Variants in KSR2 observed in about 807,000 individuals in gnomAD.
KSR2 encodes the protein kinase suppressor of ras 2.
KSR2 carries 25 observed loss-of-function variants against 107.8 expected under a neutral mutation model. The observed-to-expected ratio is 0.23, with a 90% CI of 0.17 to 0.32. The LOEUF (loss-of-function observed/expected upper bound fraction) is 0.32, where lower values mean the gene tolerates loss of function less well. Ranked by LOEUF, KSR2 falls within the 10% of genes least tolerant of loss-of-function variation. KSR2 has a pLI of 1.00. For missense variants in KSR2, 887 were observed against 1,268.9 expected (o/e 0.70, Z 4.57); for synonymous variants, 480 against 507.0 (o/e 0.95, Z 0.71).
intron 14 of KSR2, among the ~76,000 whole-genome samples, chr12:117,493,422 A>G (rs952932283): frequency 2.6e-5 from 4 of 151,936 alleles, no homozygotes; most frequent in Non-Finnish European, 5.9e-5. Context: ...CTCTTCTCAT[A>G]TGACTCTCCC....
chr12:117,935,894 C>T (rs914403564), intron 1 of KSR2, among the ~76,000 whole-genome samples: 1 of 152,210 alleles, frequency 6.6e-6, no homozygotes, highest in Non-Finnish European at 1.5e-5. Context: ...GCTTTTCCCC[C>T]CAGAGGTCCC....
intron 3 of KSR2, among the ~76,000 whole-genome samples, chr12:117,853,086 A>C (rs2137215073): frequency 1.3e-5 from 2 of 152,276 alleles, no homozygotes; most frequent in Middle Eastern, 3.4e-3. Flanking sequence ...TATAGGTGTG[A>C]GCCACCACGT....
At chr12:117,703,220 C>T (rs888704201) in intron 4 of KSR2, among the ~76,000 whole-genome samples, 1 of 152,200 alleles carries the variant, frequency 6.6e-6, no homozygotes, top group Non-Finnish European at 1.5e-5. Context: ...CAAATTATTT[C>T]ACCTCTTTTA....
At chr12:117,633,539 G>T (rs891237921) in intron 5 of KSR2, among the ~76,000 whole-genome samples, 3 of 152,306 alleles carry the variant, frequency 2.0e-5, no homozygotes, top group Middle Eastern at 3.4e-3. Context: ...GACAGGATTG[G>T]TTCTTTGTAG....
intron 5 of KSR2, among the ~76,000 whole-genome samples, chr12:117,600,376 A>T (rs1159863969): frequency 6.6e-6 from 1 of 152,238 alleles, no homozygotes; most frequent in Admixed American, 6.5e-5. Flanking sequence ...AGAGGCAATC[A>T]GACGTGTTTT....
chr12:117,486,237 G>A (rs568529686), intron 14 of KSR2, among the ~76,000 whole-genome samples: 57 of 152,342 alleles, frequency 3.7e-4, no homozygotes, highest in Non-Finnish European at 7.5e-4. Context: ...TCTAGATAAA[G>A]AGTTTTTCAA....
chr12:117,739,931 A>T (rs568848286), intron 4 of KSR2, among the ~76,000 whole-genome samples: 55 of 149,252 alleles, frequency 3.7e-4, no homozygotes, highest in South Asian at 2.2e-3. Flanking sequence ...ATTTTTTTTT[A>T]AATTTCTTAT....
At chr12:117,744,288 T>C (rs893249769) in intron 4 of KSR2, among the ~76,000 whole-genome samples, 3 of 152,168 alleles carry the variant, frequency 2.0e-5, no homozygotes, top group African/African-American at 7.2e-5. Context: ...CTAAAATACA[T>C]GGAGTAACAG....
intron 9 of KSR2, among the ~76,000 whole-genome samples, chr12:117,551,241 T>C (rs1877286578): frequency 6.6e-6 from 1 of 152,024 alleles, no homozygotes; most frequent in Non-Finnish European, 1.5e-5. Context: ...CTTCCTCTTC[T>C]TCCTCCTTCT....
At chr12:117,519,591 G>A (rs1874608056) in intron 14 of KSR2, among the ~76,000 whole-genome samples, 2 of 152,086 alleles carry the variant, frequency 1.3e-5, no homozygotes, top group Non-Finnish European at 2.9e-5. Context: ...CTTCTGTGAG[G>A]GACTGTACGT....
chr12:117,722,773 G>A (rs1203442866), intron 4 of KSR2, among the ~76,000 whole-genome samples: 1 of 152,124 alleles, frequency 6.6e-6, no homozygotes, highest in Non-Finnish European at 1.5e-5. Flanking sequence ...TTACTGTATG[G>A]ATTCACCCTG....
At chr12:117,739,225 G>C (rs570650170) in intron 4 of KSR2, among the ~76,000 whole-genome samples, 26 of 151,734 alleles carry the variant, frequency 1.7e-4, no homozygotes, top group Non-Finnish European at 3.2e-4. Flanking sequence ...CGTGGTAGCG[G>C]GCGCCTGTAG....
chr12:117,565,179 C>T (rs1878392445), intron 7 of KSR2, among the ~76,000 whole-genome samples: 2 of 152,310 alleles, frequency 1.3e-5, no homozygotes, highest in African/African-American at 4.8e-5. Context: ...AGGCAAGACC[C>T]CTCCTAGGGA....
At chr12:117,773,442 G>A (rs1035851708) in intron 3 of KSR2, among the ~76,000 whole-genome samples, 2 of 152,202 alleles carry the variant, frequency 1.3e-5, no homozygotes, top group Admixed American at 6.5e-5. Context: ...CTAAGCAAGT[G>A]TCTAACTTCT....
At chr12:117,818,186 CA>C (rs1891441059) in intron 3 of KSR2, among the ~76,000 whole-genome samples, 1 of 152,114 alleles carries the variant, frequency 6.6e-6, no homozygotes, top group Non-Finnish European at 1.5e-5. Flanking sequence ...GATCAATGGG[CA>C]ATCTCTGGGG....
intron 1 of KSR2, among the ~76,000 whole-genome samples, chr12:117,910,225 T>C (rs1481201493): frequency 6.6e-6 from 1 of 152,116 alleles, no homozygotes; most frequent in Non-Finnish European, 1.5e-5. Flanking sequence ...AGTAAGACCC[T>C]GTCTCAAAGA....
At chr12:117,767,163 C>T (rs1889263335) in intron 3 of KSR2, among the ~76,000 whole-genome samples, 1 of 151,038 alleles carries the variant, frequency 6.6e-6, no homozygotes, top group Admixed American at 6.6e-5. Context: ...CCTGTAATCC[C>T]AGTACTTTGG....
intron 1 of KSR2, among the ~76,000 whole-genome samples, chr12:117,933,127 T>C (rs567043159): frequency 5.9e-5 from 9 of 151,978 alleles, no homozygotes; most frequent in Non-Finnish European, 1.0e-4. Context: ...CTGTCAGGGG[T>C]TAGTAATGAG....
rs536659067 is a variant in KSR2, at chr12:117,690,172, C to T, written c.987-22514G>A. Among the ~76,000 whole-genome samples the T allele has an allele frequency of 7.2e-5, 11 of 152,256 alleles. No homozygotes were observed. In the South Asian group the frequency reaches 8.3e-4, roughly 11 times the overall value. ...CCTCTGGTTTAGAATACCAAGTCCA[C>T]GAGGGCAAAGTCCTGGAAATCTTAT... is the stretch of plus-strand genomic sequence containing the variant. On this transcript the variant is annotated intron_variant, in intron 4 of 19. Coordinates refer to ENST00000339824, the MANE Select transcript of KSR2 (RefSeq NM_173598.6).
Sources: allele counts gnomAD v4.1 joint callset (sites outside exome capture counted in the v4.1 genomes callset), GRCh38; gene constraint gnomAD v4.1.1; transcripts MANE v1.5; gene names NCBI Gene and HGNC (gene_info 2026-07-23, HGNC 2026-07-21).